The following TLE3 variants were observed in gnomAD, a reference collection of about 807,000 sequenced individuals.
The protein encoded by TLE3 is TLE family member 3, transcriptional corepressor, also known as transducin-like enhancer protein 3.
A neutral mutation model predicts 93.0 loss-of-function variants in TLE3; 14 were observed. The observed-to-expected ratio is 0.15, with a 90% CI of 0.10 to 0.24. TLE3 has a LOEUF of 0.24. Ranked by LOEUF, TLE3 falls within the 10% of genes least tolerant of loss-of-function variation. The pLI is 1.00. For synonymous variants in TLE3, 451 were observed against 425.0 expected (o/e 1.06, Z -0.75); for missense variants, 693 against 1,046.6 (o/e 0.66, Z 4.66).
intron 4 of TLE3, 56 bp from the exon 5 acceptor site, chr15:70,076,214 T>C (rs2057436819): frequency 6.4e-7 from 1 of 1,566,264 alleles, no homozygotes; most frequent in African/African-American, 1.4e-5. Context: ...GTCACTGAAA[T>C]GTCATAGGCA....
rs1431998105 is a variant in TLE3, at chr15:70,049,805, G to C, written c.*292C>G. On this transcript the variant is annotated 3_prime_UTR_variant, in exon 20 of 20. Coordinates refer to ENST00000451782, the MANE Select transcript of TLE3 (RefSeq NM_001105192.3). Reference sequence around the variant, plus strand: ...ACAGAGACTCATGAGCGGGTCTGTGGGGGAACCGGAGCCATAAGCCTCCAA... The same window carrying C: ...ACAGAGACTCATGAGCGGGTCTGTGCGGGAACCGGAGCCATAAGCCTCCAA... 3.1e-6 allele frequency: 1 copy of C among 322,700 alleles called. No homozygotes were observed. The highest frequency in any genetic ancestry group is 2.1e-5 in the African/African-American group (1 of 47,906). The allele number at this position is 322,700 out of a possible 1,614,324, so 20.0% of individuals were successfully genotyped here.
Position 70,057,507 on chromosome 15 carries a change from AGCGGCGGCG to A in TLE3, c.1194_1202del (p.Ala404_Ala406del), listed in dbSNP as rs760647196. Reference sequence around the variant, plus strand: ...ATCGGCCATAGGCAGCGGCTGCAGCAGCGGCGGCGGCGCTCATCTGGGGTGGGATGTTGT... The same window carrying A: ...ATCGGCCATAGGCAGCGGCTGCAGCAGCGCTCATCTGGGGTGGGATGTTGT... On this transcript the variant is annotated inframe_deletion, in exon 13 of 20. Transcript: ENST00000451782. The A allele has an allele frequency of 6.2e-7, 1 of 1,608,424 alleles. No homozygotes were observed.
intron 4 of TLE3, among the ~76,000 whole-genome samples, chr15:70,088,570 C>T (rs778891861): frequency 6.6e-6 from 1 of 152,176 alleles, no homozygotes; most frequent in African/African-American, 2.4e-5. Flanking sequence ...CCCTTGAGCA[C>T]GCAGTTCTCA....
At chr15:70,095,909 C>G (rs1266084852) in intron 2 of TLE3, 10 of 629,968 alleles carry the variant, frequency 1.6e-5, no homozygotes, top group Non-Finnish European at 2.2e-5. Context: ...ACACCCAGAA[C>G]CCGGAGTGAA....
At chr15:70,092,767 G>A (rs1312784022) in intron 4 of TLE3, among the ~76,000 whole-genome samples, 16 of 152,194 alleles carry the variant, frequency 1.1e-4, no homozygotes, top group Admixed American at 8.5e-4. Context: ...GATCTGCTGC[G>A]AGCCAAGGTG....
At position 70,085,684 on chromosome 15, in the gene TLE3, C is replaced by T. The variant is rs149997248; in HGVS notation, c.234+8848G>A. Among the ~76,000 whole-genome samples the T allele has an allele frequency of 3.9e-5, 6 of 152,342 alleles. No homozygotes were observed. In the East Asian group the frequency reaches 1.2e-3, roughly 29 times the overall value. On this transcript the variant is annotated intron_variant, in intron 4 of 19. Transcript: ENST00000451782. ...CACAAGGACTGGGTGACATGGAGAC[C>T]GACACCAGGCCAACAGCAGCAGGAC... is the stretch of plus-strand genomic sequence containing the variant.
chr15:70,051,855 G>C (rs2055576701), intron 18 of TLE3, among the ~76,000 whole-genome samples: 1 of 152,212 alleles, frequency 6.6e-6, no homozygotes. Context: ...ACAGCAGTCA[G>C]TGGGCGACCT....
Position 70,057,511 on chromosome 15 carries a change from G to A in TLE3, c.1199C>T (p.Ala400Val). The A allele has an allele frequency of 6.2e-7, 1 of 1,608,078 alleles. No individual in the cohort carries two copies. Among genetic ancestry groups the A allele is most frequent in the African/African-American group, 1.3e-5 (1 of 75,010 alleles). The change falls in exon 13 of 20, where the codon GCC becomes GTC. Residue 400 changes from alanine (A) to valine (V), a missense_variant. By Grantham distance (64) the Ala-to-Val change is moderately conservative. This residue lies in a region of TLE3 where 405 missense variants were observed against 468.9 expected (regional missense o/e 0.86). Coordinates refer to ENST00000451782, the MANE Select transcript of TLE3 (RefSeq NM_001105192.3). ...HNIPPQMSAA[A>V]AAAAAAYGRS... Reference sequence around the variant, plus strand: ...GCCATAGGCAGCGGCTGCAGCAGCGGCGGCGGCGCTCATCTGGGGTGGGAT... The same window carrying A: ...GCCATAGGCAGCGGCTGCAGCAGCGACGGCGGCGCTCATCTGGGGTGGGAT...
At position 70,054,605 on chromosome 15, in the gene TLE3, G is replaced by A. The variant is rs767915060; in HGVS notation, c.1659C>T (p.Leu553=). 3 of 1,613,024 alleles carry A rather than the reference G, an allele frequency of 1.9e-6. No homozygotes were observed. The highest frequency in any genetic ancestry group is 1.3e-5 in the African/African-American group (1 of 74,928). ...TGGGCGAGGCCAGGTCCCAGATGGT[G>A]AGCGTGCTGGCCTCGCCGCCCACGA... is the stretch of plus-strand genomic sequence containing the variant. ...TLIVGGEAST[L]TIWDLASPTP... Residue 553 remains leucine (L), a synonymous_variant, in exon 16 of 20, where the codon CTC becomes CTT. Coordinates refer to ENST00000451782, the MANE Select transcript of TLE3 (RefSeq NM_001105192.3).
chr15:70,059,470 A>G lies in TLE3; in HGVS notation c.715-10T>C. ...TGTCTCCATCACTGTCCTGCAACCA[A>G]GAGAGAAGCCAACTGGTCAGTAAGA... On this transcript the variant is annotated splice_polypyrimidine_tract_variant and intron_variant, in intron 9 of 19. Transcript: ENST00000451782. 1 of 1,606,318 alleles carries G rather than the reference A, an allele frequency of 6.2e-7. No individual in the cohort carries two copies. The highest frequency in any genetic ancestry group is 8.5e-7 in the Non-Finnish European group (1 of 1,176,338).
At position 70,053,613 on chromosome 15, in the gene TLE3, GA is replaced by G. The variant is rs1214071354; in HGVS notation, c.1827-240del. The G allele has an allele frequency of 2.1e-4, 83 of 396,032 alleles. No homozygotes were observed. The East Asian group carries it at 2.2e-3, about 11-fold the overall frequency. The allele number at this position is 396,032 out of a possible 1,614,324, so 24.5% of individuals were successfully genotyped here. A position where few individuals can be genotyped will look rare whatever the true frequency, so the allele number is the denominator to read the frequency against. ...CAAGTCCCCTGGGAAATGGGGGGGG[GA>G]GGTGAAAAAGGGACCTTGCACTAGC... On this transcript the variant is annotated intron_variant, in intron 16 of 19. Coordinates refer to ENST00000451782, the MANE Select transcript of TLE3 (RefSeq NM_001105192.3).
intron 2 of TLE3, chr15:70,095,934 C>A (rs1007298691): frequency 2.1e-5 from 14 of 655,256 alleles, no homozygotes; most frequent in Non-Finnish European, 3.3e-5. Context: ...CTCGCCGCGA[C>A]CTAGACCCTC....
intron 9 of TLE3, among the ~76,000 whole-genome samples, chr15:70,059,671 C>T (rs912940455): frequency 4.6e-5 from 7 of 152,190 alleles, no homozygotes; most frequent in African/African-American, 9.6e-5. Flanking sequence ...GCCCAGGCCC[C>T]GGGTTACTCC....
Position 70,057,606 on chromosome 15 carries a change from G to A in TLE3, c.1104C>T (p.Phe368=), listed in dbSNP as rs373584317. The stretch of plus-strand genomic sequence containing the variant: ...TCATCTCATGGTGGCTCATCATGGC[G>A]AAGGGCGCCGCATAGGAGCTGGTGA... ...ISITSSYAAP[F]AMMSHHEMNG... Residue 368 remains phenylalanine, a synonymous_variant, in exon 13 of 20, where the codon TTC becomes TTT. Coordinates refer to ENST00000451782, the MANE Select transcript of TLE3 (RefSeq NM_001105192.3). 7.9e-5 allele frequency: 126 copies of A among 1,593,050 alleles called. No homozygotes were observed. The African/African-American group carries it at 1.3e-3, about 16-fold the overall frequency.
rs1223766047 is a variant in TLE3, at chr15:70,093,452, C to T, written c.234+1080G>A. On this transcript the variant is annotated intron_variant, in intron 4 of 19. Transcript: ENST00000451782. ...AAGAGCAAAATTGAAACCTTGTAAACGACTGTTAATTTAGAGCAGAAAATC... is the reference window on the plus strand; with the variant it reads ...AAGAGCAAAATTGAAACCTTGTAAATGACTGTTAATTTAGAGCAGAAAATC... Among the ~76,000 whole-genome samples, 7 of 152,300 alleles carry T rather than the reference C, an allele frequency of 4.6e-5. No homozygotes were observed. In the East Asian group the frequency reaches 7.7e-4, roughly 17 times the overall value.
In TLE3 at chr15:70,096,474, C is replaced by T; in HGVS notation, c.25-213G>A. 4 of 1,147,788 alleles carry T rather than the reference C, an allele frequency of 3.5e-6. No homozygotes were observed. In the South Asian group the frequency reaches 4.6e-5, roughly 13 times the overall value. 71.1% of individuals were successfully genotyped at this position (1,147,788 alleles called of 1,614,324 possible). On this transcript the variant is annotated intron_variant, in intron 1 of 19. Transcript: ENST00000451782. ...GGCTCCCATGCCTTTCACCAAGGGC[C>T]TCCCTCTCCCCAGTAAGGCGGGGGC... is the stretch of plus-strand genomic sequence containing the variant.
chr15:70,072,383 G>A (rs1359388473), intron 6 of TLE3, among the ~76,000 whole-genome samples: 8 of 152,224 alleles, frequency 5.3e-5, no homozygotes, highest in Admixed American at 5.2e-4. Context: ...GGTAGGAGGA[G>A]TTGGCCTGGA....
intron 4 of TLE3, among the ~76,000 whole-genome samples, chr15:70,091,008 A>G (rs1567055783): frequency 6.6e-6 from 1 of 152,206 alleles, no homozygotes; most frequent in African/African-American, 2.4e-5. Flanking sequence ...TCTTACAGAA[A>G]AGAGTCCTGG....
intron 3 of TLE3, 148 bp downstream of exon 3, chr15:70,095,430 G>A: frequency 1.3e-6 from 2 of 1,510,650 alleles, no homozygotes; most frequent in Non-Finnish European, 1.8e-6. Flanking sequence ...TGGGGAAGGG[G>A]AGGGCAAGAC....
Sources: allele counts gnomAD v4.1 joint callset (sites outside exome capture counted in the v4.1 genomes callset), GRCh38; gene constraint gnomAD v4.1.1; regional missense constraint gnomAD v4.1.1; transcripts MANE v1.5; gene names NCBI Gene and HGNC (gene_info 2026-07-23, HGNC 2026-07-21).